The following PLD1 variants were observed in gnomAD, a reference collection of about 807,000 sequenced individuals.
PLD1 encodes choline phosphatase 1.
In PLD1, 112 loss-of-function variants were observed where a neutral mutation model predicts 137.1. The ratio of observed to expected loss-of-function variants is 0.82; its 90% CI spans 0.70 to 0.96. PLD1 has a LOEUF of 0.96. Ranked by LOEUF, PLD1 falls within the 40% of genes least tolerant of loss-of-function variation. The pLI is 0.00. For missense variants in PLD1, 1,321 were observed against 1,342.0 expected (o/e 0.98, Z 0.24); for synonymous variants, 431 against 454.7 (o/e 0.95, Z 0.66).
At chr3:171,613,288 T>G (rs1412407429) in intron 24 of PLD1, among the ~76,000 whole-genome samples, 3 of 152,192 alleles carry the variant, frequency 2.0e-5, no homozygotes, top group Admixed American at 6.5e-5. Flanking sequence ...ATATTTTCCT[T>G]ATTTTCTACA....
intron 26 of PLD1, among the ~76,000 whole-genome samples, chr3:171,604,402 T>A (rs149428938): frequency 1.5e-4 from 23 of 151,202 alleles, no homozygotes; most frequent in African/African-American, 5.3e-4. Flanking sequence ...TAAGTTTCTC[T>A]GCTGGAAGGG....
Position 171,620,718 on chromosome 3 carries a change from T to TTCTCTCTCTC in PLD1, c.2594-208_2594-199dup, listed in dbSNP as rs369273677. On this transcript the variant is annotated intron_variant, in intron 23 of 26. Transcript: ENST00000351298. ...TTTCATATTGTCAGTCTGAATGGCT[T>TTCTCTCTCTC]TCTCTCTCTCTCTCTCTCTCTCTCT... Among the ~76,000 whole-genome samples the TTCTCTCTCTC allele has an allele frequency of 5.7e-4, 59 of 104,146 alleles. 1 individual carries two copies. Among genetic ancestry groups the TTCTCTCTCTC allele is most frequent in the South Asian group, 2.2e-3 (6 of 2,688 alleles). The allele number at this position is 104,146 out of a possible 152,430, so 68.3% of individuals were successfully genotyped here. A position where few individuals can be genotyped will look rare whatever the true frequency, so the allele number is the denominator to read the frequency against.
chr3:171,616,141 T>C lies in PLD1; in HGVS notation c.2729-3709A>G, dbSNP rs1733091605. Among the ~76,000 whole-genome samples the C allele has an allele frequency of 2.6e-5, 4 of 152,230 alleles. No homozygotes were observed. In the South Asian group the frequency reaches 8.3e-4, roughly 31 times the overall value. On this transcript the variant is annotated intron_variant, in intron 24 of 26. Transcript: ENST00000351298. ...TTTTTGATGAAGTTCCTATACAATT[T>C]CTTTGCCCATTTTTCTTTGGACATT...
In PLD1 at chr3:171,709,654, T is replaced by C. The variant is rs1432484510; in HGVS notation, c.967A>G (p.Ile323Val). The change falls in exon 10 of 27, where the codon ATA (isoleucine) becomes GTA (valine). Residue 323 changes from isoleucine (I) to valine (V), a missense_variant. Transcript: ENST00000351298. ...CCATGTTTCTGGATGAATTCTTCTATAGCCCCTCCCCACCACCGAGCATGT... is the reference window on the plus strand; with the variant it reads ...CCATGTTTCTGGATGAATTCTTCTACAGCCCCTCCCCACCACCGAGCATGT... ...YRHARWWGGA[I>V]EEFIQKHGTN... 3.7e-6 allele frequency: 6 copies of C among 1,613,942 alleles called. No homozygotes were observed. In the Admixed American group the frequency reaches 5.0e-5, roughly 13 times the overall value.
chr3:171,696,812 T>C (rs1715736240), intron 12 of PLD1, among the ~76,000 whole-genome samples: 1 of 152,218 alleles, frequency 6.6e-6, no homozygotes, highest in Non-Finnish European at 1.5e-5. Context: ...CAATCTTTAA[T>C]TGTATTACTA....
At chr3:171,670,036 C>A (rs1357183454) in intron 19 of PLD1, among the ~76,000 whole-genome samples, 3 of 152,240 alleles carry the variant, frequency 2.0e-5, no homozygotes, top group East Asian at 3.9e-4. Context: ...ATGTTAAAAT[C>A]TTGTTCTCAC....
At chr3:171,744,336 A>G (rs530748375) in intron 1 of PLD1, among the ~76,000 whole-genome samples, 1 of 152,292 alleles carries the variant, frequency 6.6e-6, no homozygotes, top group South Asian at 2.1e-4. Flanking sequence ...CAAGAAAAGG[A>G]GATTCCAAGA....
At chr3:171,609,278 C>T (rs890906819) in intron 25 of PLD1, among the ~76,000 whole-genome samples, 7 of 152,110 alleles carry the variant, frequency 4.6e-5, no homozygotes, top group African/African-American at 1.7e-4. Flanking sequence ...AATGCATATA[C>T]ACTGTTGGTG....
intron 19 of PLD1, among the ~76,000 whole-genome samples, chr3:171,672,320 G>A (rs1712852241): frequency 6.6e-6 from 1 of 152,072 alleles, no homozygotes; most frequent in Non-Finnish European, 1.5e-5. Context: ...CCATGCAAAC[G>A]GACAACACTT....
intron 1 of PLD1, among the ~76,000 whole-genome samples, chr3:171,750,382 T>C (rs1270208153): frequency 6.6e-6 from 1 of 152,106 alleles, no homozygotes; most frequent in African/African-American, 2.4e-5. Context: ...AACAGAGCCT[T>C]AGTATTGTAT....
At chr3:171,745,513 C>T (rs2108278777) in intron 1 of PLD1, among the ~76,000 whole-genome samples, 1 of 152,356 alleles carries the variant, frequency 6.6e-6, no homozygotes, top group African/African-American at 2.4e-5. Context: ...AAGAGCAGGG[C>T]TTTGGCACAG....
intron 21 of PLD1, among the ~76,000 whole-genome samples, chr3:171,652,766 ATTTTTTTTTTTTT>A (rs1174564536): frequency 5.3e-5 from 4 of 75,626 alleles, no homozygotes; most frequent in Admixed American, 1.8e-4. Context: ...ACACTCAGCT[ATTTTTTTTTTTTT>A]TTTTTTTTTT....
At position 171,612,241 on chromosome 3, in the gene PLD1, T is replaced by A; in HGVS notation, c.2882+38A>T. ...GGCTGGGTCCCAGCGACTGCTGCAG[T>A]GGAAATGCATCAGAGAGACACACTT... On this transcript the variant is annotated intron_variant, in intron 25 of 26. Coordinates refer to ENST00000351298, the MANE Select transcript of PLD1 (RefSeq NM_002662.5). This position sits in a 1 kb window ranked among gnomAD's most constrained non-coding sequence, Gnocchi z 4.1. The A allele has an allele frequency of 6.2e-7, 1 of 1,602,438 alleles. No individual in the cohort carries two copies. Among genetic ancestry groups the A allele is most frequent in the Non-Finnish European group, 8.5e-7 (1 of 1,171,070 alleles).
At chr3:171,614,611 G>A (rs1732940814) in intron 24 of PLD1, among the ~76,000 whole-genome samples, 2 of 152,200 alleles carry the variant, frequency 1.3e-5, no homozygotes, top group Admixed American at 6.5e-5. Flanking sequence ...TGTAGCATTT[G>A]TTTAAAGAAG....
intron 24 of PLD1, 69 bp downstream of exon 24, chr3:171,620,317 A>G: frequency 1.7e-6 from 2 of 1,157,566 alleles, no homozygotes; most frequent in South Asian, 3.6e-5. Flanking sequence ...GAGGAATAGC[A>G]GCAAACATTT....
intron 21 of PLD1, among the ~76,000 whole-genome samples, chr3:171,651,770 G>T (rs757674904): frequency 6.6e-5 from 10 of 152,090 alleles, no homozygotes; most frequent in Admixed American, 1.3e-4. Context: ...CCCAAATGAG[G>T]TTATATAGAA....
intron 1 of PLD1, among the ~76,000 whole-genome samples, chr3:171,758,031 C>A (rs1721145309): frequency 6.6e-6 from 1 of 152,220 alleles, no homozygotes. Context: ...TAAATCTCCT[C>A]TGAAATTAAA....
At chr3:171,699,977 A>G (rs1460704187) in intron 11 of PLD1, 151 bp from the exon 12 acceptor site, 2 of 654,376 alleles carry the variant, frequency 3.1e-6, no homozygotes, top group East Asian at 5.1e-5. Context: ...TGAGTCTAGG[A>G]ACAACTTCGT....
At chr3:171,711,421 G>A (rs1238263795) in intron 9 of PLD1, among the ~76,000 whole-genome samples, 1 of 151,796 alleles carries the variant, frequency 6.6e-6, no homozygotes, top group Non-Finnish European at 1.5e-5. Flanking sequence ...CGCCCACCTC[G>A]GCCTCCCAAA....
Sources: allele counts gnomAD v4.1 joint callset (sites outside exome capture counted in the v4.1 genomes callset), GRCh38; gene constraint gnomAD v4.1.1; non-coding constraint Gnocchi (gnomAD v3.1); transcripts MANE v1.5; gene names NCBI Gene and HGNC (gene_info 2026-07-23, HGNC 2026-07-21).